CELF4: variants seen among roughly 807,000 people sequenced by gnomAD.
CELF4 encodes the protein CUG-BP- and ETR-3-like factor 4.
A neutral mutation model predicts 59.9 loss-of-function variants in CELF4; 18 were observed. The observed-to-expected ratio is 0.30, with a 90% confidence interval of 0.21 to 0.45. CELF4 has a LOEUF of 0.45. Ranked by LOEUF, CELF4 falls within the 20% of genes least tolerant of loss-of-function variation. CELF4 has a pLI of 1.00. For synonymous variants in CELF4, 261 were observed against 267.1 expected, an observed-to-expected ratio of 0.98 and a Z score of 0.22; for missense variants, 456 against 689.0, an observed-to-expected ratio of 0.66 and a Z score of 3.79.
chr18:37,377,688 A>G (rs773392743), intron 2 of CELF4, among the ~76,000 whole-genome samples: 2 of 152,180 alleles, frequency 1.3e-5, no homozygotes, highest in Admixed American at 6.5e-5. Flanking sequence ...TCCTGGGGAC[A>G]TGTCTTGAGT....
chr18:37,424,777 T>C (rs1047403902), intron 2 of CELF4, among the ~76,000 whole-genome samples: 1 of 152,094 alleles, frequency 6.6e-6, no homozygotes, highest in Non-Finnish European at 1.5e-5. Flanking sequence ...TTCTCACTCA[T>C]CCTGTGTTGT....
chr18:37,312,062 T>C (rs2096677056), intron 3 of CELF4, among the ~76,000 whole-genome samples: 1 of 122,766 alleles, frequency 8.1e-6, no homozygotes, highest in Non-Finnish European at 1.6e-5. Context: ...AGTGAGCCCA[T>C]ATCACGCCAC....
intron 2 of CELF4, among the ~76,000 whole-genome samples, chr18:37,463,851 C>A (rs1163345878): frequency 6.6e-6 from 1 of 152,142 alleles, no homozygotes; most frequent in Non-Finnish European, 1.5e-5. Flanking sequence ...CTGTCCCCAC[C>A]CAACTGAGTG....
At chr18:37,515,216 G>A (rs942408453) in intron 1 of CELF4, among the ~76,000 whole-genome samples, 1 of 152,182 alleles carries the variant, frequency 6.6e-6, no homozygotes, top group Non-Finnish European at 1.5e-5. Flanking sequence ...GGAGCCTGGA[G>A]GAGGGGGATT....
At chr18:37,369,632 A>T (rs544190828) in intron 2 of CELF4, among the ~76,000 whole-genome samples, 54 of 152,268 alleles carry the variant, frequency 3.5e-4, no homozygotes, top group Admixed American at 1.9e-3. Flanking sequence ...CTACACCTAC[A>T]CTTGACTCCA....
At chr18:37,359,996 T>C (rs2098675887) in intron 2 of CELF4, among the ~76,000 whole-genome samples, 1 of 151,938 alleles carries the variant, frequency 6.6e-6, no homozygotes, top group South Asian at 2.1e-4. Context: ...ATTACAGGCA[T>C]ACACTACCAT....
At chr18:37,548,505 G>A (rs952397428) in intron 1 of CELF4, among the ~76,000 whole-genome samples, 1 of 152,146 alleles carries the variant, frequency 6.6e-6, no homozygotes, top group Non-Finnish European at 1.5e-5. Context: ...TAGGTGCATT[G>A]CCAATATCCC....
intron 2 of CELF4, among the ~76,000 whole-genome samples, chr18:37,455,795 G>A (rs1261288891): frequency 6.6e-6 from 1 of 152,222 alleles, no homozygotes; most frequent in African/African-American, 2.4e-5. Flanking sequence ...ACAGGCCGAG[G>A]TTTGGGCCCC....
chr18:37,553,355 C>T (rs1343310175), intron 1 of CELF4, among the ~76,000 whole-genome samples: 1 of 152,122 alleles, frequency 6.6e-6, no homozygotes, highest in East Asian at 1.9e-4. Flanking sequence ...GTTCTCCACC[C>T]AGGCCCATCC....
At chr18:37,486,720 C>T (rs2099882066) in intron 1 of CELF4, among the ~76,000 whole-genome samples, 1 of 152,364 alleles carries the variant, frequency 6.6e-6, no homozygotes, top group East Asian at 1.9e-4. Flanking sequence ...CCAGAGAAGG[C>T]ACCCTGTGGA....
At chr18:37,381,945 G>A (rs538654991) in intron 2 of CELF4, among the ~76,000 whole-genome samples, 4 of 152,334 alleles carry the variant, frequency 2.6e-5, no homozygotes, top group Admixed American at 2.0e-4. Flanking sequence ...GGATTGTAAA[G>A]GGGGCCTTCA....
intron 1 of CELF4, among the ~76,000 whole-genome samples, chr18:37,524,710 G>T (rs1415352564): frequency 3.9e-5 from 6 of 152,216 alleles, no homozygotes; most frequent in Non-Finnish European, 8.8e-5. Flanking sequence ...AGCCATTAAG[G>T]GCGGGAACGC....
intron 2 of CELF4, among the ~76,000 whole-genome samples, chr18:37,479,588 C>CCATTCT (rs2099860601): frequency 6.6e-6 from 1 of 152,198 alleles, no homozygotes; most frequent in Non-Finnish European, 1.5e-5. Context: ...AAAGATATAT[C>CCATTCT]ATCCATTCTC....
intron 3 of CELF4, among the ~76,000 whole-genome samples, chr18:37,308,777 G>T (rs4799442): frequency 0.45 from 68,562 of 151,596 alleles, 15,666 homozygotes; most frequent in South Asian, 0.57. Flanking sequence ...CCCCGATAAG[G>T]GTCCCGGCTG....
intron 1 of CELF4, among the ~76,000 whole-genome samples, chr18:37,536,792 C>T (rs1244331601): frequency 1.3e-5 from 2 of 152,150 alleles, no homozygotes; most frequent in African/African-American, 2.4e-5. Context: ...CGTGTGCAGG[C>T]GGCCCAGGCT....
chr18:37,350,495 A>G (rs2098417074), intron 2 of CELF4, among the ~76,000 whole-genome samples: 1 of 152,102 alleles, frequency 6.6e-6, no homozygotes. Context: ...CAGTTTCTAA[A>G]GGATTATGTC....
chr18:37,248,506 C>T (rs1568757759), intron 12 of CELF4, among the ~76,000 whole-genome samples: 1 of 152,140 alleles, frequency 6.6e-6, no homozygotes. Flanking sequence ...CGAGCGCCTC[C>T]AGCCTTTGCT....
chr18:37,455,975 T>C (rs7233468), intron 2 of CELF4, among the ~76,000 whole-genome samples: 128,497 of 152,172 alleles, frequency 0.84, 54,385 homozygotes, highest in East Asian at 1. Context: ...CTCCCATCTC[T>C]AGCAGCATGA....
chr18:37,261,199 G>T (rs2074136136), intron 10 of CELF4, among the ~76,000 whole-genome samples: 1 of 152,010 alleles, frequency 6.6e-6, no homozygotes, highest in African/African-American at 2.4e-5. Flanking sequence ...GCTCCCAGGG[G>T]CATGCTCCTT....
Sources: gnomAD v4.1 joint callset for allele counts (sites outside exome capture counted in the v4.1 genomes callset) on GRCh38, gnomAD v4.1.1 for gene constraint, MANE v1.5 for transcripts, NCBI Gene and HGNC (gene_info 2026-07-23, HGNC 2026-07-21) for gene names.